Variants in CASK observed in about 807,000 individuals in gnomAD.
CASK encodes peripheral plasma membrane protein CASK.
Under a neutral mutation model 82.9 loss-of-function variants are expected in CASK, and 4 were observed. The observed-to-expected ratio is 0.05, with a 90% CI of 0.02 to 0.11. The LOEUF (loss-of-function observed/expected upper bound fraction) is 0.11, where lower values mean the gene tolerates loss of function less well. Ranked by LOEUF, CASK falls within the 10% of genes least tolerant of loss-of-function variation. The pLI is 1.00. For missense variants in CASK, 358 were observed against 720.9 expected, an observed-to-expected ratio of 0.50 and a Z score of 5.76; for synonymous variants, 259 against 253.5, an observed-to-expected ratio of 1.02 and a Z score of -0.20.
In CASK at chrX:41,727,815, T is replaced by C. The variant is rs760391098; in HGVS notation, c.429+11569A>G. ...AGATTCTACTAATAGTTTGCTTCCTTCCTTATAGTATTTTTAAACCCATTT... is the reference window on the plus strand; with the variant it reads ...AGATTCTACTAATAGTTTGCTTCCTCCCTTATAGTATTTTTAAACCCATTT... On this transcript the variant is annotated intron_variant, in intron 5 of 26. Coordinates refer to ENST00000378163, the MANE Select transcript of CASK (RefSeq NM_001367721.1). 5.0e-6 allele frequency: 6 copies of C among 1,193,620 alleles called. No homozygotes were observed. The Admixed American group carries it at 1.3e-4, about 26-fold the overall frequency.
At chrX:41,679,938 G>A (rs113790829) in intron 5 of CASK, among the ~76,000 whole-genome samples, 13,156 of 111,012 alleles carry the variant, frequency 0.12, 745 homozygotes, top group Middle Eastern at 0.18. Flanking sequence ...GGCCAGGTGC[G>A]GTGGCTCATG....
intron 1 of CASK, among the ~76,000 whole-genome samples, chrX:41,888,740 T>TAC (rs761807260): frequency 1.6e-4 from 16 of 101,899 alleles, no homozygotes; most frequent in African/African-American, 2.8e-4. Context: ...TGTATATATA[T>TAC]ACATATATAT....
At chrX:41,873,283 CAAAAAAA>C (rs1175165867) in intron 1 of CASK, among the ~76,000 whole-genome samples, 5 of 31,296 alleles carry the variant, frequency 1.6e-4, no homozygotes, top group East Asian at 3.1e-3. Flanking sequence ...TTCTTCCTCA[CAAAAAAA>C]AAAAAAAAAA....
chrX:41,599,941 T>C (rs1355293104), intron 12 of CASK, among the ~76,000 whole-genome samples: 1 of 112,235 alleles, frequency 8.9e-6, no homozygotes, highest in Non-Finnish European at 1.9e-5. Context: ...TAGTATCAGA[T>C]ACAAGAGCTT....
chrX:41,922,537 C>A (rs2072803063), intron 1 of CASK, among the ~76,000 whole-genome samples: 2 of 112,252 alleles, frequency 1.8e-5, no homozygotes, highest in African/African-American at 6.5e-5. Context: ...ACCCTGGACT[C>A]TCTCACCACA....
At position 41,688,232 on chromosome X, in the gene CASK, A is replaced by G. The variant is rs34538771; in HGVS notation, c.430-16702T>C. On this transcript the variant is annotated intron_variant, in intron 5 of 26. Coordinates refer to ENST00000378163, the MANE Select transcript of CASK (RefSeq NM_001367721.1). ...GAAGAGTGTACCCAGAAATAATTAG[A>G]ATGTTAGATACAGCCCAATGAGTCA... Among the ~76,000 whole-genome samples the G allele has an allele frequency of 0.012, 1,348 of 111,561 alleles. 43 individuals carry two copies. In the East Asian group the frequency reaches 0.16, roughly 13 times the overall value.
intron 1 of CASK, among the ~76,000 whole-genome samples, chrX:41,865,419 C>G (rs1468058119): frequency 9.0e-6 from 1 of 111,083 alleles, no homozygotes; most frequent in Non-Finnish European, 1.9e-5. Flanking sequence ...GCTCTTGGCT[C>G]TACTTTCCTG....
chrX:41,624,846 C>T (rs1376830809), intron 10 of CASK, among the ~76,000 whole-genome samples: 2 of 111,266 alleles, frequency 1.8e-5, no homozygotes, highest in Non-Finnish European at 3.8e-5. Context: ...ACAGAAACCT[C>T]AGGCTTTAGG....
At chrX:41,825,183 G>A (rs888578621) in intron 2 of CASK, among the ~76,000 whole-genome samples, 1 of 110,704 alleles carries the variant, frequency 9.0e-6, no homozygotes, top group African/African-American at 3.3e-5. Flanking sequence ...AACATCTCAC[G>A]TACCCCATAA....
intron 5 of CASK, among the ~76,000 whole-genome samples, chrX:41,721,134 T>C (rs1317543931): frequency 9.0e-6 from 1 of 111,086 alleles, no homozygotes; most frequent in Non-Finnish European, 1.9e-5. Context: ...ACTTGGACAA[T>C]AGAAGGGGAA....
intron 1 of CASK, among the ~76,000 whole-genome samples, chrX:41,887,032 G>A (rs1272325606): frequency 1.8e-5 from 2 of 110,360 alleles, no homozygotes; most frequent in African/African-American, 3.3e-5. Context: ...ATACTCTCCC[G>A]TACAAATTTA....
intron 3 of CASK, among the ~76,000 whole-genome samples, chrX:41,758,424 A>G (rs1335246621): frequency 1.0e-5 from 1 of 95,443 alleles, no homozygotes; most frequent in African/African-American, 3.8e-5. Flanking sequence ...GACAAGAGCG[A>G]GACTTCATCT....
chrX:41,833,747 T>TA (rs1478684338), intron 2 of CASK, among the ~76,000 whole-genome samples: 2 of 111,943 alleles, frequency 1.8e-5, no homozygotes, highest in Non-Finnish European at 3.8e-5. Flanking sequence ...AATGACTTAA[T>TA]AAAAATTATG....
intron 5 of CASK, among the ~76,000 whole-genome samples, chrX:41,709,932 A>G (rs2067944906): frequency 1.8e-5 from 2 of 111,310 alleles, no homozygotes; most frequent in African/African-American, 6.5e-5. Context: ...CTAGAAATTC[A>G]AAAGAAGTGA....
chrX:41,691,400 A>T (rs2067554939), intron 5 of CASK, among the ~76,000 whole-genome samples: 2 of 112,082 alleles, frequency 1.8e-5, no homozygotes, highest in African/African-American at 6.5e-5. Flanking sequence ...TGTTCTTAAA[A>T]TTGTTAAAGT....
chrX:41,555,477 C>T, intron 20 of CASK, 123 bp downstream of exon 20: 3 of 542,563 alleles, frequency 5.5e-6, no homozygotes, highest in Non-Finnish European at 9.9e-6. Context: ...TGAAATGGTA[C>T]AAGCTCTCAA....
At chrX:41,561,719 T>A in intron 16 of CASK, 75 bp from the exon 17 acceptor site, 1 of 790,633 alleles carries the variant, frequency 1.3e-6, no homozygotes, top group South Asian at 2.3e-5. Flanking sequence ...GGCATCAATG[T>A]AATTTTTAAA....
At chrX:41,645,006 T>C (rs1028960344) in intron 8 of CASK, among the ~76,000 whole-genome samples, 2 of 111,635 alleles carry the variant, frequency 1.8e-5, no homozygotes, top group African/African-American at 3.3e-5. Flanking sequence ...TGATCTCGCC[T>C]TGCCTCCACT....
intron 1 of CASK, among the ~76,000 whole-genome samples, chrX:41,897,866 A>G (rs1443904852): frequency 1.8e-5 from 2 of 111,931 alleles, no homozygotes; most frequent in Non-Finnish European, 3.8e-5. Context: ...TCGGCTTGCT[A>G]GTATTTTGTT....
Sources: gnomAD v4.1 joint callset for allele counts (sites outside exome capture counted in the v4.1 genomes callset) on GRCh38, gnomAD v4.1.1 for gene constraint, MANE v1.5 for transcripts, NCBI Gene and HGNC (gene_info 2026-07-23, HGNC 2026-07-21) for gene names.